SCN8A: variants seen among roughly 807,000 people sequenced by gnomAD.
The protein encoded by SCN8A is sodium channel protein type 8 subunit alpha.
In SCN8A, 30 loss-of-function variants were observed where a neutral mutation model predicts 184.1. The observed-to-expected ratio is 0.16, with a 90% confidence interval of 0.12 to 0.22. The LOEUF is 0.22. SCN8A is among the 10% of genes least tolerant of loss of function. The pLI is 1.00. For synonymous variants in SCN8A, 852 were observed against 907.0 expected, an observed-to-expected ratio of 0.94 and a Z score of 1.09; for missense variants, 1,057 against 2,498.9, an observed-to-expected ratio of 0.42 and a Z score of 12.30.
chr12:51,699,935 G>C, intron 7 of SCN8A, 144 bp downstream of exon 7: 1 of 635,370 alleles, frequency 1.6e-6, no homozygotes, highest in East Asian at 2.8e-5. Flanking sequence ...GGGAGGCTGA[G>C]GCAGGTGGAT....
chr12:51,786,088 C>T (rs891610272), intron 21 of SCN8A, among the ~76,000 whole-genome samples: 5 of 152,114 alleles, frequency 3.3e-5, no homozygotes, highest in Non-Finnish European at 5.9e-5. Flanking sequence ...TTAACTGGCT[C>T]TCTATTAACC....
At chr12:51,651,624 C>T (rs560695235) in intron 1 of SCN8A, among the ~76,000 whole-genome samples, 19 of 152,202 alleles carry the variant, frequency 1.2e-4, no homozygotes, top group Non-Finnish European at 2.5e-4. Context: ...GGGGAAACCG[C>T]CCCCATGATT....
rs1402132387 is a variant in SCN8A, at chr12:51,705,440, A to G, written c.1158A>G (p.Thr386=). ...YQLTLRAAGK[T]YMIFFVLVIF... ...AGACTTTACGAGCAGCCGGGAAAAC[A>G]TACATGATCTTCTTCGTCTTGGTCA... The change falls in exon 10 of 27, where the codon ACA becomes ACG. Residue 386 remains threonine (T), a synonymous_variant. Coordinates refer to ENST00000627620, the MANE Select transcript of SCN8A (RefSeq NM_001330260.2). The G allele has an allele frequency of 6.2e-7, 1 of 1,613,826 alleles. No homozygotes were observed. Among genetic ancestry groups the G allele is most frequent in the Non-Finnish European group, 8.5e-7 (1 of 1,179,852 alleles).
At chr12:51,621,753 A>G (rs1324982052) in intron 1 of SCN8A, among the ~76,000 whole-genome samples, 1 of 152,240 alleles carries the variant, frequency 6.6e-6, no homozygotes. Context: ...CAGACCAGAC[A>G]CGATGAGCAT....
At chr12:51,593,539 G>A (rs1368298861) in intron 1 of SCN8A, among the ~76,000 whole-genome samples, 3 of 152,146 alleles carry the variant, frequency 2.0e-5, no homozygotes, top group Admixed American at 6.5e-5. Context: ...TGCTTTCCTT[G>A]TAGGACCCTT....
chr12:51,743,492 A>T (rs1022282087), intron 12 of SCN8A, among the ~76,000 whole-genome samples: 14 of 152,164 alleles, frequency 9.2e-5, no homozygotes, highest in African/African-American at 3.4e-4. Context: ...TACGAGACAA[A>T]GATTTGTTCT....
intron 1 of SCN8A, among the ~76,000 whole-genome samples, chr12:51,645,024 A>G (rs934439861): frequency 2.0e-5 from 3 of 148,880 alleles, no homozygotes; most frequent in African/African-American, 7.5e-5. Context: ...TCTGGGAGGG[A>G]GGTGGGGGGG....
chr12:51,696,184 G>A (rs1941589405), intron 6 of SCN8A, among the ~76,000 whole-genome samples: 1 of 152,204 alleles, frequency 6.6e-6, no homozygotes, highest in African/African-American at 2.4e-5. Context: ...TTGGAAAGGT[G>A]ATTGTCTGAA....
chr12:51,758,408 G>A (rs303771), intron 14 of SCN8A, among the ~76,000 whole-genome samples: 132,470 of 152,228 alleles, frequency 0.87, 57,858 homozygotes, highest in East Asian at 0.98. Flanking sequence ...CATTTTGCAA[G>A]TCTCTTTAAT....
chr12:51,744,613 CTTTTT>C (rs1410294336), intron 12 of SCN8A, among the ~76,000 whole-genome samples: 1 of 137,542 alleles, frequency 7.3e-6, no homozygotes. Flanking sequence ...TGATGAAACA[CTTTTT>C]TTTTTTTTTT....
chr12:51,683,056 A>G (rs1385507057), intron 2 of SCN8A, among the ~76,000 whole-genome samples: 2 of 150,962 alleles, frequency 1.3e-5, no homozygotes, highest in Non-Finnish European at 3.0e-5. Flanking sequence ...TTCCCAGCTC[A>G]CTCTCTTTTT....
At chr12:51,623,860 C>T (rs112379808) in intron 1 of SCN8A, among the ~76,000 whole-genome samples, 20 of 151,838 alleles carry the variant, frequency 1.3e-4, no homozygotes, top group East Asian at 3.9e-4. Flanking sequence ...TGAGAACATG[C>T]GGTGTTTGGT....
intron 6 of SCN8A, among the ~76,000 whole-genome samples, chr12:51,693,321 TG>T: frequency 6.6e-6 from 1 of 152,294 alleles, no homozygotes; most frequent in Non-Finnish European, 1.5e-5. Flanking sequence ...TGGTCCTAAG[TG>T]AAAAAACACT....
At position 51,714,950 on chromosome 12, in the gene SCN8A, A is replaced by G. The variant is rs373317391; in HGVS notation, c.1636-6596A>G. The stretch of plus-strand genomic sequence containing the variant: ...AGAGGGAGTAAGGCCTACTCATCTC[A>G]TAAACTACACAGGATCCCAGGATTT... On this transcript the variant is annotated intron_variant, in intron 11 of 26. Transcript: ENST00000627620. 9.8e-5 allele frequency among the ~76,000 whole-genome samples: 15 copies of G among 152,350 alleles called. No individual in the cohort carries two copies. The South Asian group carries it at 1.7e-3, about 17-fold the overall frequency.
At chr12:51,792,486 C>A (rs115325523) in intron 25 of SCN8A, among the ~76,000 whole-genome samples, 3,162 of 44,054 alleles carry the variant, frequency 0.072, 142 homozygotes, top group African/African-American at 0.19. Flanking sequence ...GAGACCCTAT[C>A]TCAAAAAAAA....
intron 1 of SCN8A, among the ~76,000 whole-genome samples, chr12:51,637,581 C>T (rs951558902): frequency 2.6e-5 from 4 of 152,182 alleles, no homozygotes; most frequent in East Asian, 1.9e-4. Context: ...CTTAAGCCAA[C>T]GCCCAATCCA....
At chr12:51,699,507 G>A in intron 6 of SCN8A, 63 bp from the exon 7 acceptor site, 1 of 1,285,822 alleles carries the variant, frequency 7.8e-7, no homozygotes, top group Non-Finnish European at 1.1e-6. Context: ...GGCTAAGAGG[G>A]AGGCTTGGGG....
Position 51,681,965 on chromosome 12 carries a change from G to A in SCN8A, c.277-2209G>A, listed in dbSNP as rs556651378. On this transcript the variant is annotated intron_variant, in intron 2 of 26. Coordinates refer to ENST00000627620, the MANE Select transcript of SCN8A (RefSeq NM_001330260.2). Reference sequence around the variant, plus strand: ...AGGGGATGGAGGTTAAAAAAAAAAAGGTGGGGGCTTTTCATAAATGACCTG... The same window carrying A: ...AGGGGATGGAGGTTAAAAAAAAAAAAGTGGGGGCTTTTCATAAATGACCTG... Among the ~76,000 whole-genome samples, 3 of 151,942 alleles carry A rather than the reference G, an allele frequency of 2.0e-5. No individual in the cohort carries two copies. In the East Asian group the frequency reaches 5.8e-4, roughly 29 times the overall value.
intron 20 of SCN8A, among the ~76,000 whole-genome samples, chr12:51,775,915 G>C (rs1937678222): frequency 6.6e-6 from 1 of 152,196 alleles, no homozygotes; most frequent in African/African-American, 2.4e-5. Context: ...CCCAGAATTT[G>C]AGGATATTGA....
Sources: allele counts gnomAD v4.1 joint callset (sites outside exome capture counted in the v4.1 genomes callset), GRCh38; gene constraint gnomAD v4.1.1; transcripts MANE v1.5; gene names NCBI Gene and HGNC (gene_info 2026-07-23, HGNC 2026-07-21).